The following CLVS1 variants were observed in gnomAD, a reference collection of about 807,000 sequenced individuals.
CLVS1 encodes clavesin-1.
Under a neutral mutation model 33.1 loss-of-function variants are expected in CLVS1, and 10 were observed. The ratio of observed to expected loss-of-function variants is 0.30; its 90% CI spans 0.19 to 0.51. The LOEUF is 0.51. Ranked by LOEUF, CLVS1 falls within the 20% of genes least tolerant of loss-of-function variation. The pLI is 0.97. For missense variants in CLVS1, 343 were observed against 433.4 expected (o/e 0.79, Z 1.85); for synonymous variants, 163 against 166.1 (o/e 0.98, Z 0.14).
At chr8:61,388,163 T>C (rs1340969482) in intron 3 of CLVS1, among the ~76,000 whole-genome samples, 1 of 151,888 alleles carries the variant, frequency 6.6e-6, no homozygotes, top group Non-Finnish European at 1.5e-5. Flanking sequence ...GAAAAAATAG[T>C]AACTGTGACC....
chr8:61,240,161 G>A (rs923987039), intron 2 of CLVS1, among the ~76,000 whole-genome samples: 10 of 152,298 alleles, frequency 6.6e-5, no homozygotes, highest in African/African-American at 1.9e-4. Context: ...AGGTTATAGC[G>A]CTGCTTTTTT....
At chr8:61,302,558 A>G (rs1247981022) in intron 2 of CLVS1, among the ~76,000 whole-genome samples, 3 of 152,232 alleles carry the variant, frequency 2.0e-5, no homozygotes, top group Admixed American at 1.3e-4. Flanking sequence ...CTGCAATAGA[A>G]TAATTCTTTC....
the CLVS1 span, among the ~76,000 whole-genome samples, chr8:61,044,659 G>A: frequency 6.6e-6 from 1 of 152,214 alleles, no homozygotes; most frequent in East Asian, 1.9e-4. Context: ...GACATGAGCT[G>A]AAAATGGACT....
intron 2 of CLVS1, among the ~76,000 whole-genome samples, chr8:61,329,605 AGCACTTGTACC>A (rs1811518176): frequency 6.6e-6 from 1 of 152,256 alleles, no homozygotes; most frequent in Non-Finnish European, 1.5e-5. Context: ...GTATCAAATT[AGCACTTGTACC>A]TAAATAAAGT....
chr8:61,337,262 G>A (rs1032767851), intron 2 of CLVS1, among the ~76,000 whole-genome samples: 3 of 152,196 alleles, frequency 2.0e-5, no homozygotes, highest in Non-Finnish European at 4.4e-5. Context: ...CACGTATCTT[G>A]TGCCACAAGT....
the CLVS1 span, among the ~76,000 whole-genome samples, chr8:61,049,113 T>C: frequency 6.6e-6 from 1 of 152,198 alleles, no homozygotes; most frequent in Non-Finnish European, 1.5e-5. Flanking sequence ...GAAAGTAAAC[T>C]GTAATGTATA....
chr8:61,444,467 A>G (rs1462751592), intron 3 of CLVS1, among the ~76,000 whole-genome samples: 1 of 152,202 alleles, frequency 6.6e-6, no homozygotes, highest in Admixed American at 6.5e-5. Context: ...AAGTCTTTTT[A>G]TGTATCAGTA....
At chr8:61,407,820 A>C (rs16927293) in intron 3 of CLVS1, among the ~76,000 whole-genome samples, 5,113 of 152,330 alleles carry the variant, frequency 0.034, 251 homozygotes, top group African/African-American at 0.11. Context: ...AGGGTGATCA[A>C]CAAGAAGTAA....
chr8:61,036,685 T>G, the CLVS1 span, among the ~76,000 whole-genome samples: 1 of 152,248 alleles, frequency 6.6e-6, no homozygotes, highest in Non-Finnish European at 1.5e-5. Flanking sequence ...TCTAGCTATG[T>G]GCTTTTAAGC....
chr8:61,454,153 G>A lies in CLVS1; in HGVS notation c.643G>A (p.Ala215Thr). ...AIEGLQDSFPARFGGVHFVNQ... is the reference protein window; with the variant it reads ...AIEGLQDSFPTRFGGVHFVNQ... ...CTTTCTGCCCCAGGACAGCTTTCCTGCCCGCTTTGGAGGAGTCCACTTTGT... is the reference window on the plus strand; with the variant it reads ...CTTTCTGCCCCAGGACAGCTTTCCTACCCGCTTTGGAGGAGTCCACTTTGT... The change falls in exon 4 of 6, where the codon GCC (alanine) becomes ACC (threonine). Residue 215 changes from alanine to threonine, a missense_variant. Physicochemically the swap from Ala to Thr is moderately conservative, Grantham distance 58. Transcript: ENST00000325897. 1 of 1,613,798 alleles carries A rather than the reference G, an allele frequency of 6.2e-7. No homozygotes were observed. The highest frequency in any genetic ancestry group is 8.5e-7 in the Non-Finnish European group (1 of 1,179,708).
At chr8:61,326,549 T>C (rs1295450306) in intron 2 of CLVS1, among the ~76,000 whole-genome samples, 1 of 152,154 alleles carries the variant, frequency 6.6e-6, no homozygotes, top group Non-Finnish European at 1.5e-5. Flanking sequence ...CAAAGAAAGC[T>C]GCATAACCAG....
intron 1 of CLVS1, among the ~76,000 whole-genome samples, chr8:61,123,890 T>C (rs942532185): frequency 2.6e-5 from 4 of 152,226 alleles, no homozygotes; most frequent in Non-Finnish European, 5.9e-5. Flanking sequence ...AGTTGGAGCA[T>C]GGCGAGGAGG....
At chr8:61,183,067 G>A (rs560483839) in intron 2 of CLVS1, among the ~76,000 whole-genome samples, 1 of 151,026 alleles carries the variant, frequency 6.6e-6, no homozygotes, top group South Asian at 2.1e-4. Context: ...AACATCGCAT[G>A]TTCTCACTCA....
intron 1 of CLVS1, among the ~76,000 whole-genome samples, chr8:61,057,726 G>T (rs916597397): frequency 6.6e-6 from 1 of 152,188 alleles, no homozygotes; most frequent in South Asian, 2.1e-4. Context: ...GGCTGTTTCA[G>T]TCGTAATCCT....
chr8:61,098,905 T>G (rs1432019677), intron 1 of CLVS1, among the ~76,000 whole-genome samples: 1 of 152,218 alleles, frequency 6.6e-6, no homozygotes. Context: ...GTTTTTTTAT[T>G]GAAATGTAAA....
chr8:61,376,997 CACA>C (rs1460554493), intron 3 of CLVS1: 3 of 478,310 alleles, frequency 6.3e-6, no homozygotes, highest in Non-Finnish European at 3.7e-6. Context: ...TTACCCCAGG[CACA>C]AATTATCCTC....
chr8:61,262,681 C>T (rs1585731702), intron 2 of CLVS1, among the ~76,000 whole-genome samples: 1 of 152,190 alleles, frequency 6.6e-6, no homozygotes, highest in East Asian at 1.9e-4. Flanking sequence ...CAACACCCAG[C>T]TCATATTTGG....
chr8:61,082,128 G>A (rs1366023716), intron 1 of CLVS1, among the ~76,000 whole-genome samples: 3 of 133,664 alleles, frequency 2.2e-5, no homozygotes, highest in Non-Finnish European at 4.6e-5. Context: ...GAATCAAATG[G>A]AAATACTAGC....
upstream of CLVS1, among the ~76,000 whole-genome samples, chr8:61,052,985 T>G (rs1804411630): frequency 6.6e-6 from 1 of 152,168 alleles, no homozygotes; most frequent in Non-Finnish European, 1.5e-5. Context: ...ACTCTAGATG[T>G]AAACGTGGAT....
Sources: gnomAD v4.1 joint callset for allele counts (sites outside exome capture counted in the v4.1 genomes callset) on GRCh38, gnomAD v4.1.1 for gene constraint, MANE v1.5 for transcripts, NCBI Gene and HGNC (gene_info 2026-07-23, HGNC 2026-07-21) for gene names.